The following CYSLTR2 variants were observed in gnomAD, a reference collection of about 807,000 sequenced individuals.
The protein encoded by CYSLTR2 is G-protein coupled receptor GPCR21.
For missense variants in CYSLTR2, 398 were observed against 411.9 expected, an observed-to-expected ratio of 0.97 and a Z score of 0.29; for synonymous variants, 179 against 160.8, an observed-to-expected ratio of 1.11 and a Z score of -0.86.
intron 4 of CYSLTR2, among the ~76,000 whole-genome samples, chr13:48,697,600 G>A (rs535110966): frequency 8.5e-5 from 13 of 152,288 alleles, no homozygotes; most frequent in Admixed American, 2.0e-4. Context: ...AAATCAGAGC[G>A]CCTCTTCTCC....
intron 2 of CYSLTR2, among the ~76,000 whole-genome samples, chr13:48,693,236 A>G (rs1954081227): frequency 6.6e-6 from 1 of 151,988 alleles, no homozygotes; most frequent in South Asian, 2.1e-4. Context: ...GCCTTATAGA[A>G]ACCAAAAGAT....
At chr13:48,697,837 C>A (rs1299991633) in intron 4 of CYSLTR2, among the ~76,000 whole-genome samples, 1 of 152,134 alleles carries the variant, frequency 6.6e-6, no homozygotes, top group Non-Finnish European at 1.5e-5. Flanking sequence ...CCTGATGGAG[C>A]TGAAAACCAC....
At chr13:48,702,822 TA>T (rs1954385638) in intron 4 of CYSLTR2, among the ~76,000 whole-genome samples, 1 of 152,222 alleles carries the variant, frequency 6.6e-6, no homozygotes, top group Non-Finnish European at 1.5e-5. Flanking sequence ...TATCTATATC[TA>T]CAAAAAAACT....
intron 3 of CYSLTR2, 144 bp from the exon 4 acceptor site, chr13:48,696,382 G>T (rs565131053): frequency 3.3e-5 from 5 of 152,222 alleles, no homozygotes; most frequent in East Asian, 1.9e-4. Flanking sequence ...ATTTTGTGGA[G>T]CAAAAATTTA....
chr13:48,676,959 G>A (rs1953613465), intron 1 of CYSLTR2, among the ~76,000 whole-genome samples: 1 of 152,222 alleles, frequency 6.6e-6, no homozygotes, highest in African/African-American at 2.4e-5. Flanking sequence ...AAGAAACAGT[G>A]CAAAGTTTCC....
intron 1 of CYSLTR2, among the ~76,000 whole-genome samples, chr13:48,670,963 G>A (rs1953412330): frequency 6.6e-6 from 1 of 152,140 alleles, no homozygotes; most frequent in Non-Finnish European, 1.5e-5. Flanking sequence ...TTGAGCAGTG[G>A]TTTGTAGTTC....
At chr13:48,675,244 C>T (rs1309021086) in intron 1 of CYSLTR2, among the ~76,000 whole-genome samples, 1 of 152,208 alleles carries the variant, frequency 6.6e-6, no homozygotes, top group Non-Finnish European at 1.5e-5. Context: ...TGCCCACAGC[C>T]ACCCCTTCCC....
At chr13:48,699,872 C>T (rs1954294354) in intron 4 of CYSLTR2, among the ~76,000 whole-genome samples, 1 of 152,174 alleles carries the variant, frequency 6.6e-6, no homozygotes, top group South Asian at 2.1e-4. Context: ...AAACTACCAT[C>T]AGAGAATACT....
At chr13:48,704,180 A>C (rs1954421012) in intron 4 of CYSLTR2, among the ~76,000 whole-genome samples, 2 of 152,172 alleles carry the variant, frequency 1.3e-5, no homozygotes, top group African/African-American at 4.8e-5. Flanking sequence ...CATTTTATTT[A>C]ATATATGCAA....
chr13:48,702,468 T>G (rs1954376368), intron 4 of CYSLTR2, among the ~76,000 whole-genome samples: 1 of 152,184 alleles, frequency 6.6e-6, no homozygotes, highest in South Asian at 2.1e-4. Flanking sequence ...TTAGTTAATT[T>G]TTGTATAAGG....
At position 48,708,150 on chromosome 13, in the gene CYSLTR2, T is replaced by G. The variant is rs3803187; in HGVS notation, c.*292T>G. On this transcript the variant is annotated 3_prime_UTR_variant, in exon 5 of 5. Transcript: ENST00000682523. ...TTGGATCCTACTTTTCTTCAGATAT[T>G]GAACCAGATCTCTGGCCCATCAGGC... 402 of 253,650 alleles carry G rather than the reference T, an allele frequency of 1.6e-3. 8 individuals carry two copies. In the East Asian group the frequency reaches 0.031, roughly 19 times the overall value. The allele number at this position is 253,650 out of a possible 1,614,324, so 15.7% of individuals were successfully genotyped here.
chr13:48,686,055 G>T (rs922466574), intron 1 of CYSLTR2, among the ~76,000 whole-genome samples: 28 of 152,164 alleles, frequency 1.8e-4, no homozygotes, highest in African/African-American at 6.8e-4. Flanking sequence ...TTTAGTGGAA[G>T]ATACTGTGGG....
intron 1 of CYSLTR2, among the ~76,000 whole-genome samples, chr13:48,655,358 G>A (rs1169885160): frequency 1.3e-5 from 2 of 152,214 alleles, no homozygotes; most frequent in African/African-American, 4.8e-5. Flanking sequence ...TGGATTTGGA[G>A]GCAGAAGGTG....
chr13:48,675,169 G>A (rs1417996834), intron 1 of CYSLTR2, among the ~76,000 whole-genome samples: 1 of 152,210 alleles, frequency 6.6e-6, no homozygotes, highest in African/African-American at 2.4e-5. Context: ...GTCAAGTGCT[G>A]TGCTGAAAGA....
At chr13:48,667,689 G>A (rs903599561) in intron 1 of CYSLTR2, among the ~76,000 whole-genome samples, 3 of 152,190 alleles carry the variant, frequency 2.0e-5, no homozygotes, top group African/African-American at 7.2e-5. Flanking sequence ...TGCTCACTTG[G>A]CCTGGGAGCA....
intron 1 of CYSLTR2, among the ~76,000 whole-genome samples, chr13:48,659,940 G>C (rs569581486): frequency 6.6e-6 from 1 of 152,290 alleles, no homozygotes; most frequent in African/African-American, 2.4e-5. Context: ...GGAGAGCTGA[G>C]GAAAGTTTTG....
chr13:48,677,513 G>A (rs906913702), intron 1 of CYSLTR2, among the ~76,000 whole-genome samples: 59 of 152,116 alleles, frequency 3.9e-4, no homozygotes, highest in Admixed American at 3.0e-3. Flanking sequence ...AGTCAAGCCC[G>A]TTCTCCTGGA....
intron 1 of CYSLTR2, among the ~76,000 whole-genome samples, chr13:48,673,553 C>T (rs556586462): frequency 6.6e-6 from 1 of 151,058 alleles, no homozygotes; most frequent in Non-Finnish European, 1.5e-5. Flanking sequence ...TACAGCACCC[C>T]AATGGGTCTT....
chr13:48,692,039 A>T (rs1954052171), intron 2 of CYSLTR2, among the ~76,000 whole-genome samples: 1 of 152,060 alleles, frequency 6.6e-6, no homozygotes, highest in South Asian at 2.1e-4. Context: ...AAACCCAAAG[A>T]TAGTTTAGAC....
Sources: allele counts gnomAD v4.1 joint callset (sites outside exome capture counted in the v4.1 genomes callset), GRCh38; gene constraint gnomAD v4.1.1; transcripts MANE v1.5; gene names NCBI Gene and HGNC (gene_info 2026-07-23, HGNC 2026-07-21).